The following ATXN2L variants were observed in gnomAD, a reference collection of about 807,000 sequenced individuals.
The protein encoded by ATXN2L is ataxin 2 like.
ATXN2L carries 24 observed loss-of-function variants against 120.7 expected under a neutral mutation model. The observed-to-expected ratio is 0.20, with a 90% CI of 0.14 to 0.28. ATXN2L has a LOEUF of 0.28. Among genes scored for constraint, ATXN2L ranks in the 10% least tolerant of loss-of-function variants. The pLI is 1.00. For missense variants in ATXN2L, 1,312 were observed against 1,432.3 expected (o/e 0.92, Z 1.36); for synonymous variants, 653 against 568.1 (o/e 1.15, Z -2.13).
chr16:28,823,709 A>G, intron 1 of ATXN2L, 151 bp downstream of exon 1: 1 of 809,450 alleles, frequency 1.2e-6, no homozygotes, highest in Non-Finnish European at 1.7e-6. Context: ...TCAGGTCCGA[A>G]CAGGTCGGAC....
chr16:28,823,499 G>T lies in ATXN2L; in HGVS notation c.240G>T (p.Gln80His). ...GAGCCGAAGGCATCTTGGCGCCGCA[G>T]CCGCCGCCGCCGCAGCAACACCAGG... ...RRGAEGILAP[Q>H]PPPPQQHQER... is the part of the protein sequence containing the mutation. Residue 80 changes from glutamine (Q) to histidine (H), a missense_variant, in exon 1 of 22, where the codon CAG becomes CAT. Transcript: ENST00000336783. 7.3e-7 allele frequency: 1 copy of T among 1,362,300 alleles called. No homozygotes were observed. The highest frequency in any genetic ancestry group is 9.4e-7 in the Non-Finnish European group (1 of 1,059,390). 84.4% of individuals were successfully genotyped at this position (1,362,300 alleles called of 1,614,324 possible). A position where few individuals can be genotyped will look rare whatever the true frequency, so the allele number is the denominator to read the frequency against.
Position 28,829,843 on chromosome 16 carries a change from T to C in ATXN2L, c.834-15T>C. 1.9e-6 allele frequency: 3 copies of C among 1,613,832 alleles called. No individual in the cohort carries two copies. The highest frequency in any genetic ancestry group is 2.5e-6 in the Non-Finnish European group (3 of 1,179,716). ...CTGGCACTGGGATGGTGGTGGTCTGTGGGTGCTGTCTCAGGGTGCCCTTAG... is the reference window on the plus strand; with the variant it reads ...CTGGCACTGGGATGGTGGTGGTCTGCGGGTGCTGTCTCAGGGTGCCCTTAG... On this transcript the variant is annotated splice_polypyrimidine_tract_variant and intron_variant, in intron 7 of 21. Coordinates refer to ENST00000336783, the MANE Select transcript of ATXN2L (RefSeq NM_007245.4).
At chr16:28,828,539 A>G (rs2053118651) in intron 6 of ATXN2L, among the ~76,000 whole-genome samples, 1 of 151,408 alleles carries the variant, frequency 6.6e-6, no homozygotes, top group African/African-American at 2.4e-5. Flanking sequence ...GTGAGCCAAG[A>G]TCGCACCATT....
In ATXN2L at chr16:28,824,611, C is replaced by T. The variant is rs1416973144; in HGVS notation, c.300-755C>T. On this transcript the variant is annotated intron_variant, in intron 1 of 21. Transcript: ENST00000336783. ...TGTGGAGGGGATACCCCTCCTCCCA[C>T]AGTTTTGAGGCGTCAGGCTGCTGAA... 5 of 1,232,336 alleles carry T rather than the reference C, an allele frequency of 4.1e-6. No homozygotes were observed. The Middle Eastern group carries it at 6.6e-4, about 163-fold the overall frequency. The allele number at this position is 1,232,336 out of a possible 1,614,324, so 76.3% of individuals were successfully genotyped here.
At chr16:28,831,531 T>C (rs2152058018) in intron 10 of ATXN2L, among the ~76,000 whole-genome samples, 1 of 152,218 alleles carries the variant, frequency 6.6e-6, no homozygotes, top group East Asian at 1.9e-4. Flanking sequence ...GGTTTTATTA[T>C]GTTGGCCAGG....
chr16:28,832,183 A>G, intron 10 of ATXN2L, 22 bp from the exon 11 acceptor site: 1 of 1,613,728 alleles, frequency 6.2e-7, no homozygotes, highest in Non-Finnish European at 8.5e-7. Context: ...TAACCATCCT[A>G]CAGCTCCCCC....
At chr16:28,831,117 TAA>T in intron 10 of ATXN2L, 45 bp downstream of exon 10, 2 of 1,274,542 alleles carry the variant, frequency 1.6e-6, no homozygotes, top group Non-Finnish European at 2.2e-6. Flanking sequence ...TGGAAATTTG[TAA>T]AGAGATGTAA....
chr16:28,823,406 C>T lies in ATXN2L; in HGVS notation c.147C>T (p.Pro49=), dbSNP rs1596830399. Residue 49 remains proline (P), a synonymous_variant, in exon 1 of 22, where the codon CCC becomes CCT. Coordinates refer to ENST00000336783, the MANE Select transcript of ATXN2L (RefSeq NM_007245.4). ...PGPLATSAAP[P]GPPAAASPCL... is the part of the protein sequence containing the mutation. ...CGCTGGCCACCTCTGCGGCTCCTCC[C>T]GGGCCTCCAGCGGCCGCCTCCCCCT... The T allele has an allele frequency of 2.3e-6, 3 of 1,319,766 alleles. No homozygotes were observed. The highest frequency in any genetic ancestry group is 2.9e-6 in the Non-Finnish European group (3 of 1,039,100). 81.8% of individuals were successfully genotyped at this position (1,319,766 alleles called of 1,614,324 possible).
intron 5 of ATXN2L, 108 bp downstream of exon 5, chr16:28,826,498 T>C (rs1364688915): frequency 1.5e-6 from 2 of 1,319,232 alleles, no homozygotes; most frequent in East Asian, 2.3e-5. Context: ...TTTTTTGTTT[T>C]TGTTTGTTTG....
chr16:28,832,474 G>A, intron 11 of ATXN2L, 22 bp from the exon 12 acceptor site: 1 of 1,613,390 alleles, frequency 6.2e-7, no homozygotes, highest in South Asian at 1.1e-5. Context: ...GGACCTTTAG[G>A]CATTTCTCTT....
intron 12 of ATXN2L, 83 bp from the exon 13 acceptor site, chr16:28,832,734 T>C: frequency 6.8e-7 from 1 of 1,473,498 alleles, no homozygotes; most frequent in Non-Finnish European, 9.4e-7. Context: ...TTTGCTTTCT[T>C]GTCCTCTGTT....
Position 28,836,089 on chromosome 16 carries a change from C to A in ATXN2L, c.3052C>A (p.Pro1018Thr). The A allele has an allele frequency of 1.2e-6, 2 of 1,613,890 alleles. No individual in the cohort carries two copies. Among genetic ancestry groups the A allele is most frequent in the Non-Finnish European group, 1.7e-6 (2 of 1,179,812 alleles). Residue 1018 changes from proline (P) to threonine (T), a missense_variant, in exon 22 of 22, where the codon CCC (proline) becomes ACC (threonine). Coordinates refer to ENST00000336783, the MANE Select transcript of ATXN2L (RefSeq NM_007245.4). ...SGVPALSAST[P>T]SPYPYIGHPQ... ...GGTGCCTGCACTCTCAGCTTCCACA[C>A]CCTCACCCTACCCCTACATCGGACA...
chr16:28,825,690 T>C lies in ATXN2L; in HGVS notation c.393+10T>C. The C allele has an allele frequency of 6.2e-7, 1 of 1,614,162 alleles. No individual in the cohort carries two copies. ...CCTTACAGCTGTTGTGGTAAGTTGG[T>C]ACTTAACCCCCGGGTTGTTTAAGGA... On this transcript the variant is annotated intron_variant, in intron 3 of 21. Transcript: ENST00000336783.
In ATXN2L at chr16:28,832,282, A is replaced by T. The variant is rs1462301814; in HGVS notation, c.1399A>T (p.Ile467Phe). Reference sequence around the variant, plus strand: ...CTCAGCTTCCTGTCCAGAGCCTCCCATCGGCTCGGCAGTGCCAACCTCTTC... The same window carrying T: ...CTCAGCTTCCTGTCCAGAGCCTCCCTTCGGCTCGGCAGTGCCAACCTCTTC... ...PISASCPEPP[I>F]GSAVPTSSAS... Residue 467 changes from isoleucine (I) to phenylalanine (F), a missense_variant, in exon 11 of 22, where the codon ATC (isoleucine) becomes TTC (phenylalanine). Physicochemically the swap from Ile to Phe is conservative, Grantham distance 21. Transcript: ENST00000336783. 1 of 1,613,972 alleles carries T rather than the reference A, an allele frequency of 6.2e-7. No homozygotes were observed. The highest frequency in any genetic ancestry group is 1.7e-5 in the Admixed American group (1 of 59,986).
At position 28,829,842 on chromosome 16, in the gene ATXN2L, G is replaced by A. The variant is rs1374166246; in HGVS notation, c.834-16G>A. The A allele has an allele frequency of 1.2e-6, 2 of 1,613,854 alleles. No homozygotes were observed. Among genetic ancestry groups the A allele is most frequent in the Non-Finnish European group, 1.7e-6 (2 of 1,179,706 alleles). On this transcript the variant is annotated splice_polypyrimidine_tract_variant and intron_variant, in intron 7 of 21. Transcript: ENST00000336783. ...CCTGGCACTGGGATGGTGGTGGTCT[G>A]TGGGTGCTGTCTCAGGGTGCCCTTA...
intron 1 of ATXN2L, 106 bp downstream of exon 1, chr16:28,823,664 G>T (rs2050415221): frequency 8.9e-7 from 1 of 1,124,848 alleles, no homozygotes; most frequent in African/African-American, 1.6e-5. Flanking sequence ...CACCGGCTGG[G>T]TGGGGAGTCC....
chr16:28,829,510 C>G lies in ATXN2L; in HGVS notation c.833+18C>G. On this transcript the variant is annotated intron_variant, in intron 7 of 21. Coordinates refer to ENST00000336783, the MANE Select transcript of ATXN2L (RefSeq NM_007245.4). ...TCTTATACGTGAGTATCTTGGTGCT[C>G]TCCAGGTGATGTGTTGGTGATATGG... 1 of 1,528,208 alleles carries G rather than the reference C, an allele frequency of 6.5e-7. No homozygotes were observed. Among genetic ancestry groups the G allele is most frequent in the Non-Finnish European group, 9.1e-7 (1 of 1,101,990 alleles). The allele number at this position is 1,528,208 out of a possible 1,614,324, so 94.7% of individuals were successfully genotyped here.
chr16:28,823,974 G>T (rs912415524), intron 1 of ATXN2L: 1 of 431,756 alleles, frequency 2.3e-6, no homozygotes, highest in Non-Finnish European at 3.1e-6. Flanking sequence ...GCCAATGGAG[G>T]GGGGCGCGCG....
intron 6 of ATXN2L, 63 bp downstream of exon 6, chr16:28,827,049 G>A: frequency 2.2e-6 from 3 of 1,336,192 alleles, no homozygotes; most frequent in Non-Finnish European, 2.9e-6. Flanking sequence ...TGACAGTGAG[G>A]TTCATTTGAG....
Sources: allele counts gnomAD v4.1 joint callset (sites outside exome capture counted in the v4.1 genomes callset), GRCh38; gene constraint gnomAD v4.1.1; transcripts MANE v1.5; gene names NCBI Gene and HGNC (gene_info 2026-07-23, HGNC 2026-07-21).